Variants in CEP250 observed in about 807,000 individuals in gnomAD.
The protein encoded by CEP250 is centrosome-associated protein CEP250.
Under a neutral mutation model 315.7 loss-of-function variants are expected in CEP250, and 242 were observed. The ratio of observed to expected loss-of-function variants is 0.77; its 90% CI spans 0.69 to 0.85. The LOEUF (loss-of-function observed/expected upper bound fraction) is 0.85. Ranked by LOEUF, CEP250 falls within the 40% of genes least tolerant of loss-of-function variation. The pLI is 0.00. For missense variants in CEP250, 2,515 were observed against 2,886.4 expected (o/e 0.87, Z 2.95); for synonymous variants, 1,088 against 1,175.0 (o/e 0.93, Z 1.51).
intron 34 of CEP250, among the ~76,000 whole-genome samples, chr20:35,510,584 T>G (rs751412078): frequency 1.1e-4 from 16 of 152,234 alleles, no homozygotes; most frequent in Non-Finnish European, 1.8e-4. Context: ...AAGTGTTACC[T>G]TTTTATTTCT....
In CEP250 at chr20:35,479,420, C is replaced by G; in HGVS notation, c.2284C>G (p.Leu762Val). 1 of 1,612,792 alleles carries G rather than the reference C, an allele frequency of 6.2e-7. No individual in the cohort carries two copies. Among genetic ancestry groups the G allele is most frequent in the East Asian group, 2.2e-5 (1 of 44,878 alleles). Residue 762 changes from leucine to valine, a missense_variant, in exon 18 of 35, where the codon CTC (leucine) becomes GTC (valine). Physicochemically the swap from Leu to Val is conservative, Grantham distance 32. Coordinates refer to ENST00000397527, the MANE Select transcript of CEP250 (RefSeq NM_007186.6). ...RQDLAEQLQG[L>V]SSAKELLESS... Reference sequence around the variant, plus strand: ...GGACCTCGCTGAACAACTACAGGGGCTCAGGTAGGGCCCAGACTCAGTTCA... The same window carrying G: ...GGACCTCGCTGAACAACTACAGGGGGTCAGGTAGGGCCCAGACTCAGTTCA...
chr20:35,510,719 G>A (rs1040782610), intron 34 of CEP250, among the ~76,000 whole-genome samples: 1 of 152,188 alleles, frequency 6.6e-6, no homozygotes, highest in Non-Finnish European at 1.5e-5. Context: ...GTCAAAGCAG[G>A]TGCAGTAGCT....
chr20:35,465,916 T>C (rs1359935695), intron 6 of CEP250, 91 bp downstream of exon 6: 1 of 1,511,750 alleles, frequency 6.6e-7, no homozygotes, highest in Non-Finnish European at 9.0e-7. Flanking sequence ...TAATGTGGAC[T>C]TCAGCCATAG....
intron 14 of CEP250, chr20:35,474,811 G>A (rs772862139): frequency 4.2e-6 from 2 of 471,002 alleles, no homozygotes; most frequent in Non-Finnish European, 8.8e-6. Flanking sequence ...GGGAAGATGA[G>A]AGCAATGTTT....
chr20:35,479,103 T>G, intron 17 of CEP250, 128 bp from the exon 18 acceptor site: 2 of 850,808 alleles, frequency 2.4e-6, no homozygotes, highest in Non-Finnish European at 3.6e-6. Context: ...CACGTGCTAT[T>G]GGGTAAGCAA....
chr20:35,473,240 T>G (rs1411384835), intron 12 of CEP250, 134 bp from the exon 13 acceptor site: 16 of 680,742 alleles, frequency 2.4e-5, no homozygotes, highest in Admixed American at 6.0e-5. Context: ...TCTTCTTGAA[T>G]AGTTGCATCT....
intron 22 of CEP250, among the ~76,000 whole-genome samples, chr20:35,492,598 A>G (rs1018281852): frequency 2.6e-5 from 4 of 152,336 alleles, no homozygotes; most frequent in Middle Eastern, 3.4e-3. Context: ...GTTCAAGGAC[A>G]AAAAGGAGGC....
In CEP250 at chr20:35,493,482, G is replaced by A. The variant is rs779304318; in HGVS notation, c.2943G>A (p.Lys981=). 1 of 1,610,558 alleles carries A rather than the reference G, an allele frequency of 6.2e-7. No individual in the cohort carries two copies. Among genetic ancestry groups the A allele is most frequent in the Non-Finnish European group, 8.5e-7 (1 of 1,178,586 alleles). Residue 981 remains lysine, a synonymous_variant, in exon 23 of 35, where the codon AAG becomes AAA. Coordinates refer to ENST00000397527, the MANE Select transcript of CEP250 (RefSeq NM_007186.6). ...TCCAGGAGGCTCAACGGGAGCTGAA[G>A]GAGGCAGCCCGGCAGCACAGAGATG... ...TQLQEAQREL[K]EAARQHRDDL...
intron 20 of CEP250, among the ~76,000 whole-genome samples, chr20:35,483,468 C>T (rs573938128): frequency 1.3e-5 from 2 of 151,748 alleles, no homozygotes; most frequent in South Asian, 2.1e-4. Context: ...GTCCTCCTGC[C>T]GCAGCCTCCG....
At position 35,502,908 on chromosome 20, in the gene CEP250, C is replaced by A. The variant is rs771400987; in HGVS notation, c.4539C>A (p.Leu1513=). ...LTVQREQIRE[L]EKDRETQRNV... ...TGCAGAGGGAGCAGATCAGAGAGCT[C>A]GAGAAGGATCGGGAGACTCAGAGGA... Residue 1513 remains leucine, a synonymous_variant, in exon 30 of 35, where the codon CTC becomes CTA. Coordinates refer to ENST00000397527, the MANE Select transcript of CEP250 (RefSeq NM_007186.6). The A allele has an allele frequency of 6.2e-7, 1 of 1,614,110 alleles. No individual in the cohort carries two copies. Among genetic ancestry groups the A allele is most frequent in the Non-Finnish European group, 8.5e-7 (1 of 1,180,018 alleles).
At chr20:35,492,583 G>C (rs1266498673) in intron 22 of CEP250, among the ~76,000 whole-genome samples, 1 of 152,222 alleles carries the variant, frequency 6.6e-6, no homozygotes, top group African/African-American at 2.4e-5. Context: ...AAGAGGGCTT[G>C]GGAAGTTCAA....
Position 35,512,071 on chromosome 20 carries a change from C to T in CEP250, c.*445C>T. On this transcript the variant is annotated 3_prime_UTR_variant, in exon 35 of 35. Coordinates refer to ENST00000397527, the MANE Select transcript of CEP250 (RefSeq NM_007186.6). ...TTGCCAAAGATTCCTGTTGAGGTAG[C>T]ATGCATTTATTGTACACCATGCACT... 1 of 1,018,292 alleles carries T rather than the reference C, an allele frequency of 9.8e-7. No individual in the cohort carries two copies. The highest frequency in any genetic ancestry group is 1.2e-6 in the Non-Finnish European group (1 of 849,958). 63.1% of individuals were successfully genotyped at this position (1,018,292 alleles called of 1,614,324 possible).
chr20:35,479,998 G>A lies in CEP250; in HGVS notation c.2439G>A (p.Leu813=). 6.2e-7 allele frequency: 1 copy of A among 1,613,816 alleles called. No individual in the cohort carries two copies. Among genetic ancestry groups the A allele is most frequent in the East Asian group, 2.2e-5 (1 of 44,882 alleles). ...TAGGGGAAGTGAGGTGCCTGAAGCT[G>A]GAACTGGACACTGAACGGAGTCAGG... The part of the protein sequence containing the change: ...VIQGEVRCLK[L]ELDTERSQAE... The change falls in exon 20 of 35, where the codon CTG becomes CTA. Residue 813 remains leucine (L), a synonymous_variant. Coordinates refer to ENST00000397527, the MANE Select transcript of CEP250 (RefSeq NM_007186.6).
intron 11 of CEP250, 25 bp from the exon 12 acceptor site, chr20:35,472,648 G>A: frequency 6.2e-7 from 1 of 1,613,262 alleles, no homozygotes; most frequent in Non-Finnish European, 8.5e-7. Flanking sequence ...CAGTAGGGTG[G>A]TGACCTTGCT....
chr20:35,458,080 ATGTT>A (rs769190336), intron 1 of CEP250, among the ~76,000 whole-genome samples: 10 of 152,324 alleles, frequency 6.6e-5, no homozygotes, highest in Non-Finnish European at 1.3e-4. Flanking sequence ...AGTAAATAAA[ATGTT>A]TGTGTCCTCA....
intron 3 of CEP250, among the ~76,000 whole-genome samples, chr20:35,461,210 C>A (rs2062747516): frequency 6.6e-6 from 1 of 152,194 alleles, no homozygotes; most frequent in African/African-American, 2.4e-5. Context: ...CTTAGCCCTG[C>A]TGGTGAGAGT....
At chr20:35,511,147 T>G (rs1420096687) in intron 34 of CEP250, among the ~76,000 whole-genome samples, 1 of 152,134 alleles carries the variant, frequency 6.6e-6, no homozygotes, top group Non-Finnish European at 1.5e-5. Flanking sequence ...GCTATTTGAG[T>G]CACATGTGCA....
rs530413851 is a variant in CEP250 at position 35,464,118 on chromosome 20, G to A, written c.243+487G>A. On this transcript the variant is annotated intron_variant, in intron 5 of 34. Transcript: ENST00000397527. ...ATTGAGCACCCTCAATGCAGTCCAG[G>A]CAGCATGAGGCACTGTCATATACAG... is the stretch of plus-strand genomic sequence containing the variant. 2.0e-4 allele frequency among the ~76,000 whole-genome samples: 31 copies of A among 152,318 alleles called. 1 individual carries two copies. The highest frequency in any genetic ancestry group is 7.2e-4 in the African/African-American group (30 of 41,564).
At chr20:35,479,596 G>A in intron 18 of CEP250, 50 bp from the exon 19 acceptor site, 1 of 1,605,656 alleles carries the variant, frequency 6.2e-7, no homozygotes, top group South Asian at 1.1e-5. Flanking sequence ...CTTGAGGAAG[G>A]GTAAGGGGCT....
Sources: gnomAD v4.1 joint callset for allele counts (sites outside exome capture counted in the v4.1 genomes callset) on GRCh38, gnomAD v4.1.1 for gene constraint, MANE v1.5 for transcripts, NCBI Gene and HGNC (gene_info 2026-07-23, HGNC 2026-07-21) for gene names.